Variants in OTUD7B observed in about 807,000 individuals in gnomAD.
OTUD7B encodes OTU deubiquitinase 7B.
A neutral mutation model predicts 82.2 loss-of-function variants in OTUD7B; 34 were observed. The ratio of observed to expected loss-of-function variants is 0.41; its 90% CI spans 0.31 to 0.55. OTUD7B has a LOEUF of 0.55. Ranked by LOEUF, OTUD7B falls within the 20% of genes least tolerant of loss-of-function variation. The pLI is 0.20. For missense variants in OTUD7B, 944 were observed against 1,062.1 expected (o/e 0.89, Z 1.55); for synonymous variants, 398 against 402.7 (o/e 0.99, Z 0.14).
chr1:149,949,986 T>C, intron 8 of OTUD7B, 108 bp downstream of exon 8: 1 of 1,469,340 alleles, frequency 6.8e-7, no homozygotes. Context: ...ACTTGCTTTT[T>C]CCCCAAGGGT....
chr1:149,950,368 C>G (rs999487828), intron 7 of OTUD7B, 147 bp from the exon 8 acceptor site: 22 of 742,208 alleles, frequency 3.0e-5, no homozygotes, highest in Middle Eastern at 7.0e-4. Flanking sequence ...ACTGATATAG[C>G]TGATTATTTT....
At position 149,965,779 on chromosome 1, in the gene OTUD7B, A is replaced by G; in HGVS notation, c.602T>C (p.Leu201Pro). 1 of 1,611,182 alleles carries G rather than the reference A, an allele frequency of 6.2e-7. No homozygotes were observed. Among genetic ancestry groups the G allele is most frequent in the Non-Finnish European group, 8.5e-7 (1 of 1,177,488 alleles). The part of the protein sequence containing the change: ...DGNCLLHAAS[L>P]GMWGFHDRDL... The stretch of plus-strand genomic sequence containing the variant: ...GGAGGACTGCTTTCAAGACTCACCA[A>G]GGGAGGCTGCATGCAGGAGGCAGTT... The change falls in exon 5 of 12, where the codon CTT (leucine) becomes CCT (proline). Residue 201 changes from leucine to proline, a missense_variant and splice_region_variant. Physicochemically the swap from Leu to Pro is moderately conservative, Grantham distance 98 (BLOSUM62 -3). Transcript: ENST00000581312.
intron 10 of OTUD7B, among the ~76,000 whole-genome samples, chr1:149,948,718 G>C (rs1553772670): frequency 6.6e-6 from 1 of 152,096 alleles, no homozygotes; most frequent in Non-Finnish European, 1.5e-5. Context: ...ATCAGTGTAT[G>C]AACACTTTTC....
At chr1:149,994,512 CG>C (rs1455182696) in intron 1 of OTUD7B, among the ~76,000 whole-genome samples, 2 of 132,414 alleles carry the variant, frequency 1.5e-5, no homozygotes, top group East Asian at 5.1e-4. Flanking sequence ...ACCTGGGAGG[CG>C]GAGGTCAGGT....
At chr1:150,038,667 A>G in the OTUD7B span, among the ~76,000 whole-genome samples, 1 of 152,198 alleles carries the variant, frequency 6.6e-6, no homozygotes, top group Non-Finnish European at 1.5e-5. Flanking sequence ...GATTACAGGC[A>G]TGAGCCACCT....
chr1:149,947,560 G>A (rs1553772440), intron 10 of OTUD7B, among the ~76,000 whole-genome samples: 1 of 152,104 alleles, frequency 6.6e-6, no homozygotes. Flanking sequence ...TATCTATCCT[G>A]TAGGGTTGTT....
At chr1:150,051,229 CAAAAAAAAAA>C in the OTUD7B span, among the ~76,000 whole-genome samples, 1 of 97,004 alleles carries the variant, frequency 1.0e-5, no homozygotes, top group African/African-American at 4.1e-5. Context: ...GACTTCGCCT[CAAAAAAAAAA>C]AAAAAAAAAA....
In OTUD7B at chr1:149,945,072, G is replaced by T. The variant is rs782170347; in HGVS notation, c.1324-7C>A. ...CAGGCTGGGCCAGAGGAGCCTGGAA[G>T]AGACAAGAACACTGTTGACAGTTAT... On this transcript the variant is annotated splice_polypyrimidine_tract_variant and splice_region_variant and intron_variant, in intron 11 of 11. Transcript: ENST00000581312. 3.1e-6 allele frequency: 5 copies of T among 1,611,398 alleles called. No individual in the cohort carries two copies. Among genetic ancestry groups the T allele is most frequent in the Non-Finnish European group, 4.2e-6 (5 of 1,179,226 alleles).
upstream of OTUD7B, among the ~76,000 whole-genome samples, chr1:150,012,186 T>A (rs1201430664): frequency 1.1e-4 from 16 of 152,150 alleles, no homozygotes; most frequent in African/African-American, 3.9e-4. Context: ...AGGATGAGAT[T>A]TGGTCACCTA....
chr1:149,970,194 C>T (rs1199073869), intron 3 of OTUD7B, among the ~76,000 whole-genome samples: 1 of 143,304 alleles, frequency 7.0e-6, no homozygotes, highest in African/African-American at 2.6e-5. Flanking sequence ...CTTTGGGGGG[C>T]CAAGTCAGAT....
intron 11 of OTUD7B, 142 bp from the exon 12 acceptor site, chr1:149,945,207 G>A: frequency 3.5e-6 from 4 of 1,141,772 alleles, no homozygotes; most frequent in Non-Finnish European, 4.8e-6. Flanking sequence ...GAAAAGGATG[G>A]ACACCTATGA....
At chr1:150,022,611 A>G in the OTUD7B span, among the ~76,000 whole-genome samples, 1 of 152,066 alleles carries the variant, frequency 6.6e-6, no homozygotes, top group African/African-American at 2.4e-5. Context: ...TTGGAAATGC[A>G]GACAGGAGAC....
chr1:150,007,474 G>C (rs1284993396), intron 1 of OTUD7B, among the ~76,000 whole-genome samples: 4 of 152,038 alleles, frequency 2.6e-5, no homozygotes, highest in African/African-American at 9.7e-5. Context: ...CGTTAAATTT[G>C]CTTTTGTCTA....
Position 149,944,229 on chromosome 1 carries a change from A to ACATGGACCCCCTGCCAACTGCCTCC in OTUD7B, c.2135_2159dup (p.Cys720TrpfsTer45). 1 of 1,612,918 alleles carries ACATGGACCCCCTGCCAACTGCCTCC rather than the reference A, an allele frequency of 6.2e-7. No homozygotes were observed. On this transcript the variant is annotated frameshift_variant, in exon 12 of 12. Coordinates refer to ENST00000581312, the MANE Select transcript of OTUD7B (RefSeq NM_020205.4). LOFTEE classifies it high-confidence loss of function. ...TGGCATATGGTGGTAGGCCCCCGAC[A>ACATGGACCCCCTGCCAACTGCCTCC]CATGGACCCCCTGCCAACTGCCTCC...
chr1:149,982,890 A>G (rs1280671072), intron 1 of OTUD7B, among the ~76,000 whole-genome samples: 1 of 118,598 alleles, frequency 8.4e-6, no homozygotes, highest in Non-Finnish European at 1.6e-5. Flanking sequence ...TCTGTCTCCC[A>G]GGCTGGAGTG....
intron 3 of OTUD7B, among the ~76,000 whole-genome samples, chr1:149,970,598 T>C (rs1401009703): frequency 6.6e-6 from 1 of 152,028 alleles, no homozygotes; most frequent in African/African-American, 2.4e-5. Context: ...GGATTACAGG[T>C]GTGAGCCACT....
At chr1:149,947,217 GA>G (rs1647822579) in intron 11 of OTUD7B, 33 bp downstream of exon 11, 1 of 1,194,830 alleles carries the variant, frequency 8.4e-7, no homozygotes, top group East Asian at 2.3e-5. Context: ...ATGAAATGAA[GA>G]CACACCAGGG....
In OTUD7B at chr1:149,977,420, C is replaced by G; in HGVS notation, c.85+6G>C. 1 of 1,602,778 alleles carries G rather than the reference C, an allele frequency of 6.2e-7. No homozygotes were observed. The highest frequency in any genetic ancestry group is 8.5e-7 in the Non-Finnish European group (1 of 1,169,654). ...TCTTTTCTCATTCTCCCCTACAACT[C>G]CTCACCTTCTAGGAGATCTCGCGCT... is the stretch of plus-strand genomic sequence containing the variant. On this transcript the variant is annotated splice_donor_region_variant and intron_variant, in intron 2 of 11. Transcript: ENST00000581312.
At chr1:150,034,555 T>A in the OTUD7B span, among the ~76,000 whole-genome samples, 3 of 152,210 alleles carry the variant, frequency 2.0e-5, no homozygotes, top group African/African-American at 7.2e-5. Flanking sequence ...TTGTTCTTTC[T>A]CTGTTTCTGC....
Sources: gnomAD v4.1 joint callset for allele counts (sites outside exome capture counted in the v4.1 genomes callset) on GRCh38, gnomAD v4.1.1 for gene constraint, MANE v1.5 for transcripts, NCBI Gene and HGNC (gene_info 2026-07-23, HGNC 2026-07-21) for gene names.